DIP2C: variants seen among roughly 807,000 people sequenced by gnomAD.
DIP2C encodes the protein disco-interacting protein 2 homolog C.
Under a neutral mutation model 192.4 loss-of-function variants are expected in DIP2C, and 33 were observed. That is an observed-to-expected ratio of 0.17 (90% CI 0.13 to 0.23). The LOEUF (loss-of-function observed/expected upper bound fraction) is 0.23. Among genes scored for constraint, DIP2C ranks in the 10% least tolerant of loss-of-function variants. The pLI is 1.00. For missense variants in DIP2C, 1,537 were observed against 2,110.1 expected, an observed-to-expected ratio of 0.73 and a Z score of 5.32; for synonymous variants, 979 against 864.1, an observed-to-expected ratio of 1.13 and a Z score of -2.33.
At chr10:409,118 G>T (rs1012759292) in intron 8 of DIP2C, 101 bp from the exon 9 acceptor site, 36 of 1,208,522 alleles carry the variant, frequency 3.0e-5, no homozygotes, top group South Asian at 7.5e-5. Context: ...TGCTTCCTGC[G>T]TATCATGGTC....
chr10:417,973 C>CT (rs201441471), intron 6 of DIP2C, among the ~76,000 whole-genome samples: 14 of 106,566 alleles, frequency 1.3e-4, no homozygotes, highest in Non-Finnish European at 2.3e-4. Flanking sequence ...CCTGTCAGGG[C>CT]TCGGATAGGC....
intron 1 of DIP2C, among the ~76,000 whole-genome samples, chr10:559,983 TCTC>T (rs1349609997): frequency 2.4e-4 from 31 of 126,858 alleles, no homozygotes; most frequent in Non-Finnish European, 4.4e-4. Flanking sequence ...CCACTCCTGT[TCTC>T]CTCTCCCCCC....
At chr10:625,976 G>A (rs1361524877) in intron 1 of DIP2C, among the ~76,000 whole-genome samples, 2 of 152,174 alleles carry the variant, frequency 1.3e-5, no homozygotes, top group African/African-American at 4.8e-5. Flanking sequence ...GGGACACAGA[G>A]AACTGCACCT....
intron 10 of DIP2C, among the ~76,000 whole-genome samples, chr10:395,491 C>T (rs963254852): frequency 6.6e-6 from 1 of 152,170 alleles, no homozygotes; most frequent in Non-Finnish European, 1.5e-5. Flanking sequence ...AGAGGCTCGG[C>T]CTCAGGGGAG....
At chr10:435,031 T>G (rs968926424) in intron 4 of DIP2C, among the ~76,000 whole-genome samples, 35 of 152,240 alleles carry the variant, frequency 2.3e-4, no homozygotes, top group African/African-American at 7.7e-4. Context: ...GTTTGGTGTC[T>G]GGCATTAATC....
chr10:589,697 A>AT (rs1264608150), intron 1 of DIP2C, among the ~76,000 whole-genome samples: 1 of 152,172 alleles, frequency 6.6e-6, no homozygotes, highest in Non-Finnish European at 1.5e-5. Context: ...GAAAAAAGTA[A>AT]TTCTGTCTGG....
intron 32 of DIP2C, among the ~76,000 whole-genome samples, chr10:301,882 A>C (rs560086195): frequency 6.6e-6 from 1 of 152,212 alleles, no homozygotes; most frequent in African/African-American, 2.4e-5. Flanking sequence ...AAAGCCTCGC[A>C]GGAGATTGTG....
chr10:522,106 C>T (rs1846747896), intron 1 of DIP2C, among the ~76,000 whole-genome samples: 1 of 152,078 alleles, frequency 6.6e-6, no homozygotes, highest in Non-Finnish European at 1.5e-5. Context: ...CTCCCCAACC[C>T]CTGGCAGCTG....
intron 28 of DIP2C, among the ~76,000 whole-genome samples, chr10:341,849 C>T (rs1958162588): frequency 6.6e-6 from 1 of 152,126 alleles, no homozygotes; most frequent in South Asian, 2.1e-4. Flanking sequence ...TGCACTCCAG[C>T]CTGGACAACG....
chr10:357,772 G>A (rs1959160495), intron 23 of DIP2C, 56 bp downstream of exon 23: 9 of 1,372,940 alleles, frequency 6.6e-6, no homozygotes, highest in Admixed American at 1.7e-5. Flanking sequence ...GCAGATGGTC[G>A]GGGACAGTCG....
At chr10:301,712 G>A (rs765135549) in intron 32 of DIP2C, among the ~76,000 whole-genome samples, 35 of 152,180 alleles carry the variant, frequency 2.3e-4, no homozygotes, top group African/African-American at 6.8e-4. Flanking sequence ...GGCAGGACCC[G>A]GGAGCCCGCC....
chr10:629,839 C>G (rs1854410782), intron 1 of DIP2C: 1 of 152,276 alleles, frequency 6.6e-6, no homozygotes, highest in Non-Finnish European at 1.5e-5. Flanking sequence ...CTTTCTGTAA[C>G]TGCCCTCATT....
intron 1 of DIP2C, among the ~76,000 whole-genome samples, chr10:674,789 T>TATATATAGAGAGAGAGAGAG: frequency 3.2e-5 from 2 of 62,486 alleles, no homozygotes; most frequent in South Asian, 5.5e-4. Context: ...TATATATATA[T>TATATATAGAGAGAGAGAGAG]AGAGAGAGAG....
intron 1 of DIP2C, among the ~76,000 whole-genome samples, chr10:547,689 CAG>C (rs1454663642): frequency 1.3e-5 from 2 of 152,180 alleles, no homozygotes; most frequent in Middle Eastern, 6.3e-3. Flanking sequence ...TTCAGAGATC[CAG>C]AGAACTGATG....
intron 1 of DIP2C, among the ~76,000 whole-genome samples, chr10:591,192 G>A (rs1341977232): frequency 7.2e-5 from 11 of 152,080 alleles, no homozygotes; most frequent in African/African-American, 1.7e-4. Context: ...GCGTGATCTC[G>A]GCTCACTGCA....
At chr10:544,128 G>A (rs562109761) in intron 1 of DIP2C, among the ~76,000 whole-genome samples, 75 of 150,690 alleles carry the variant, frequency 5.0e-4, no homozygotes, top group Middle Eastern at 6.8e-3. Context: ...AAGGTGAGTG[G>A]AATCGCACAG....
At chr10:376,852 C>T (rs761088573) in intron 17 of DIP2C, among the ~76,000 whole-genome samples, 13 of 152,260 alleles carry the variant, frequency 8.5e-5, no homozygotes, top group South Asian at 2.1e-4. Context: ...TCAGGAAACA[C>T]GCACCGCGAG....
chr10:601,885 A>C (rs1396949106), intron 1 of DIP2C, among the ~76,000 whole-genome samples: 4 of 152,122 alleles, frequency 2.6e-5, no homozygotes, highest in Non-Finnish European at 4.4e-5. Flanking sequence ...GGGTAAGGAG[A>C]GAACGGGAGG....
intron 17 of DIP2C, among the ~76,000 whole-genome samples, chr10:378,714 C>T (rs60397904): frequency 6.6e-6 from 1 of 150,872 alleles, no homozygotes; most frequent in Non-Finnish European, 1.5e-5. Context: ...CAGATATGCA[C>T]AGACACGTGA....
Sources: allele counts gnomAD v4.1 joint callset (sites outside exome capture counted in the v4.1 genomes callset), GRCh38; gene constraint gnomAD v4.1.1; transcripts MANE v1.5; gene names NCBI Gene and HGNC (gene_info 2026-07-23, HGNC 2026-07-21).